Variants in THSD7B observed in about 807,000 individuals in gnomAD.
THSD7B encodes thrombospondin type 1 domain containing 7B.
In THSD7B, 138 loss-of-function variants were observed where a neutral mutation model predicts 213.6. That is an observed-to-expected ratio of 0.65 (90% CI 0.56 to 0.74). THSD7B has a LOEUF of 0.74. THSD7B is among the 30% of genes least tolerant of loss of function. THSD7B has a pLI of 0.00. For synonymous variants in THSD7B, 742 were observed against 687.0 expected (o/e 1.08, Z -1.25); for missense variants, 1,931 against 1,991.5 (o/e 0.97, Z 0.58).
At chr2:137,298,826 A>G (rs1683529036) in intron 12 of THSD7B, among the ~76,000 whole-genome samples, 1 of 152,184 alleles carries the variant, frequency 6.6e-6, no homozygotes, top group Non-Finnish European at 1.5e-5. Flanking sequence ...CAGAAGTTGT[A>G]TGGAAATGAC....
intron 2 of THSD7B, among the ~76,000 whole-genome samples, chr2:137,001,966 T>C (rs1480861580): frequency 6.6e-6 from 1 of 152,184 alleles, no homozygotes; most frequent in East Asian, 1.9e-4. Context: ...CTGTGTATTT[T>C]CCTTTTTTCA....
At chr2:137,594,776 A>G (rs1681928728) in intron 17 of THSD7B, among the ~76,000 whole-genome samples, 1 of 152,092 alleles carries the variant, frequency 6.6e-6, no homozygotes, top group African/African-American at 2.4e-5. Flanking sequence ...ACTTGATAAT[A>G]AATGGAATTT....
intron 3 of THSD7B, among the ~76,000 whole-genome samples, chr2:137,083,345 A>G (rs542163451): frequency 1.3e-5 from 2 of 152,168 alleles, no homozygotes; most frequent in South Asian, 2.1e-4. Flanking sequence ...CTTTATATTT[A>G]TTTTTTGGTA....
Position 137,187,435 on chromosome 2 carries a change from G to A in THSD7B, c.1723+16497G>A, listed in dbSNP as rs572612434. 6.4e-4 allele frequency among the ~76,000 whole-genome samples: 98 copies of A among 152,292 alleles called. 2 individuals are homozygous for A. The Middle Eastern group carries it at 0.01, about 16-fold the overall frequency. On this transcript the variant is annotated intron_variant, in intron 7 of 27. Transcript: ENST00000409968. The stretch of plus-strand genomic sequence containing the variant: ...GCACTTCCTTTTAAGGGATTAGAGG[G>A]CAGGAAGTGTTTTGAATTCTCAGTT...
At position 136,996,817 on chromosome 2, in the gene THSD7B, G is replaced by T. The variant is rs370340685; in HGVS notation, c.140-59603G>T. Among the ~76,000 whole-genome samples, 156 of 152,244 alleles carry T rather than the reference G, an allele frequency of 1.0e-3. 1 individual carries two copies. The highest frequency in any genetic ancestry group is 3.7e-3 in the African/African-American group (154 of 41,542). On this transcript the variant is annotated intron_variant, in intron 2 of 27. Transcript: ENST00000409968. ...TGCATAGAAGTATAAATAAATGATC[G>T]AGAGAGCTGTCCTTTAATTTTACTA...
intron 2 of THSD7B, among the ~76,000 whole-genome samples, chr2:137,054,059 A>G (rs11888486): frequency 0.099 from 15,070 of 152,248 alleles, 829 homozygotes; most frequent in East Asian, 0.22. Context: ...AAGCCTCCCA[A>G]TCACTTTCAA....
rs1251418751 is a variant in THSD7B, at chr2:136,990,989, T to G, written c.140-65431T>G. 2.3e-6 allele frequency: 3 copies of G among 1,287,516 alleles called. No homozygotes were observed. The African/African-American group carries it at 4.6e-5, about 20-fold the overall frequency. The allele number at this position is 1,287,516 out of a possible 1,614,324, so 79.8% of individuals were successfully genotyped here. On this transcript the variant is annotated intron_variant, in intron 2 of 27. Transcript: ENST00000409968. Reference sequence around the variant, plus strand: ...AAGACATCAAAACTATCACATCGTCTCTGCTGGCACAGGTGAATACCTGTC... The same window carrying G: ...AAGACATCAAAACTATCACATCGTCGCTGCTGGCACAGGTGAATACCTGTC...
At chr2:137,619,792 T>TA (rs1316587428) in intron 19 of THSD7B, among the ~76,000 whole-genome samples, 1 of 152,196 alleles carries the variant, frequency 6.6e-6, no homozygotes, top group Non-Finnish European at 1.5e-5. Flanking sequence ...AGAATATCCA[T>TA]ATATCTCAGA....
chr2:137,223,704 C>T (rs932871925), intron 7 of THSD7B, among the ~76,000 whole-genome samples: 16 of 152,184 alleles, frequency 1.1e-4, no homozygotes, highest in African/African-American at 3.9e-4. Flanking sequence ...TGGACCCCCT[C>T]AATGTAACAT....
intron 1 of THSD7B, among the ~76,000 whole-genome samples, chr2:136,869,336 C>T (rs912181232): frequency 5.9e-5 from 9 of 152,182 alleles, no homozygotes; most frequent in African/African-American, 2.2e-4. Context: ...TACCTTTTCC[C>T]TGTGCAAAAC....
chr2:136,856,765 C>T (rs887103915), intron 1 of THSD7B, among the ~76,000 whole-genome samples: 3 of 152,174 alleles, frequency 2.0e-5, no homozygotes, highest in African/African-American at 4.8e-5. Context: ...ATCTGCCCAC[C>T]TTGGCCTCAC....
chr2:137,158,752 T>G (rs922385411), intron 5 of THSD7B, among the ~76,000 whole-genome samples: 3 of 152,152 alleles, frequency 2.0e-5, no homozygotes, highest in Admixed American at 1.3e-4. Flanking sequence ...CAGATTTGAC[T>G]CTTACACGTG....
At chr2:137,474,495 A>G (rs16838979) in intron 15 of THSD7B, among the ~76,000 whole-genome samples, 34,928 of 152,124 alleles carry the variant, frequency 0.23, 4,220 homozygotes, top group South Asian at 0.39. Context: ...TGGGAATGCT[A>G]GATGTCTCAC....
At chr2:137,557,422 C>A (rs879511957) in intron 15 of THSD7B, among the ~76,000 whole-genome samples, 2 of 152,266 alleles carry the variant, frequency 1.3e-5, no homozygotes, top group Middle Eastern at 3.4e-3. Flanking sequence ...GGATACTGAA[C>A]AACCTGTTCC....
chr2:136,936,161 C>A lies in THSD7B; in HGVS notation c.139+53844C>A, dbSNP rs189331847. Among the ~76,000 whole-genome samples the A allele has an allele frequency of 1.1e-3, 165 of 151,792 alleles. 2 individuals are homozygous for A. The highest frequency in any genetic ancestry group is 3.8e-3 in the African/African-American group (156 of 41,436). On this transcript the variant is annotated intron_variant, in intron 2 of 27. Transcript: ENST00000409968. ...ACAAAAGTGGCCATAAAGAAAAAATCAAAAAATGATAGATGTTGGCGTGGA... is the reference window on the plus strand; with the variant it reads ...ACAAAAGTGGCCATAAAGAAAAAATAAAAAAATGATAGATGTTGGCGTGGA...
chr2:136,781,765 G>A (rs928742652), intron 1 of THSD7B, among the ~76,000 whole-genome samples: 4 of 152,058 alleles, frequency 2.6e-5, no homozygotes, highest in East Asian at 1.9e-4. Flanking sequence ...TCACCCTGGC[G>A]TTCCTCTGAT....
chr2:137,066,358 A>AT (rs1176615761), intron 3 of THSD7B, among the ~76,000 whole-genome samples: 3 of 151,474 alleles, frequency 2.0e-5, no homozygotes, highest in Non-Finnish European at 4.4e-5. Context: ...CGTCTGGCTA[A>AT]TTTTTTTGTA....
chr2:137,234,571 A>G (rs1681723408), intron 9 of THSD7B, among the ~76,000 whole-genome samples: 1 of 152,172 alleles, frequency 6.6e-6, no homozygotes, highest in African/African-American at 2.4e-5. Context: ...AGGGAAGCAT[A>G]GCCTGGAACA....
At chr2:137,218,066 C>T (rs6430695) in intron 7 of THSD7B, among the ~76,000 whole-genome samples, 90,796 of 151,962 alleles carry the variant, frequency 0.6, 27,536 homozygotes, top group South Asian at 0.71. Context: ...AAATTGCTTC[C>T]AAATAAACTA....
Sources: gnomAD v4.1 joint callset for allele counts (sites outside exome capture counted in the v4.1 genomes callset) on GRCh38, gnomAD v4.1.1 for gene constraint, MANE v1.5 for transcripts, NCBI Gene and HGNC (gene_info 2026-07-23, HGNC 2026-07-21) for gene names.